EEF2: variants seen among roughly 807,000 people sequenced by gnomAD.
The protein encoded by EEF2 is elongation factor 2.
A neutral mutation model predicts 85.3 loss-of-function variants in EEF2; 21 were observed. The observed-to-expected ratio is 0.25, with a 90% CI of 0.17 to 0.35. The LOEUF is 0.35. Ranked by LOEUF, EEF2 falls within the 10% of genes least tolerant of loss-of-function variation. EEF2 has a pLI of 1.00. For missense variants in EEF2, 825 were observed against 1,225.3 expected (o/e 0.67, Z 4.88); for synonymous variants, 723 against 508.8 (o/e 1.42, Z -5.67).
At position 3,977,826 on chromosome 19, in the gene EEF2, G is replaced by A; in HGVS notation, c.2060C>T (p.Thr687Ile). ...DSVVAGFQWA[T>I]KEGALCEENM... ...TGCTGAGCCGTGCCTCACCTCCTTG[G>A]TGGCCCACTGGAAGCCGGCCACCAC... The change falls in exon 12 of 15, where the codon ACC (threonine) becomes ATC (isoleucine). Residue 687 changes from threonine (T) to isoleucine (I), a missense_variant. Physicochemically the swap from Thr to Ile is moderately conservative, Grantham distance 89. Transcript: ENST00000309311. This position sits in a 1 kb window ranked among gnomAD's most constrained non-coding sequence, Gnocchi z 5.4. 6.3e-7 allele frequency: 1 copy of A among 1,582,566 alleles called. No individual in the cohort carries two copies. The highest frequency in any genetic ancestry group is 8.6e-7 in the Non-Finnish European group (1 of 1,158,840).
chr19:3,981,872 G>C, intron 6 of EEF2, 75 bp downstream of exon 6: 2 of 1,401,902 alleles, frequency 1.4e-6, no homozygotes, highest in Non-Finnish European at 2.0e-6. Flanking sequence ...TCAGCCGACA[G>C]GCTACCGGCC....
At chr19:3,981,219 A>G in intron 7 of EEF2, 120 bp downstream of exon 7, 1 of 1,134,920 alleles carries the variant, frequency 8.8e-7, no homozygotes, top group Non-Finnish European at 1.3e-6. Flanking sequence ...GTCTAAAGCG[A>G]AAGGGGCAGC....
Position 3,982,299 on chromosome 19 carries a change from A to G in EEF2, c.738T>C (p.Pro246=), listed in dbSNP as rs766038544. The change falls in exon 5 of 15, where the codon CCT becomes CCC. Residue 246 remains proline (P), a synonymous_variant. Transcript: ENST00000309311. The stretch of plus-strand genomic sequence containing the variant: ...CCTCTACTTTCTTGGCCCGCTCGGC[A>G]GGCCCCAACTGGCCCTCCCCCTTGG... ...FAAKGEGQLG[P]AERAKKVEDM... The G allele has an allele frequency of 1.2e-6, 2 of 1,614,156 alleles. No homozygotes were observed. Among genetic ancestry groups the G allele is most frequent in the Middle Eastern group, 1.6e-4 (1 of 6,062 alleles).
At chr19:3,984,619 G>C (rs530806435) in intron 1 of EEF2, among the ~76,000 whole-genome samples, 2 of 152,330 alleles carry the variant, frequency 1.3e-5, no homozygotes, top group East Asian at 1.9e-4. Context: ...AGATTTCCTT[G>C]ATACCAGGTA....
At position 3,977,687 on chromosome 19, in the gene EEF2, G is replaced by A. The variant is rs1406468195; in HGVS notation, c.2068-77C>T. The A allele has an allele frequency of 1.4e-6, 2 of 1,477,328 alleles. No homozygotes were observed. Among genetic ancestry groups the A allele is most frequent in the Non-Finnish European group, 1.8e-6 (2 of 1,119,682 alleles). 91.5% of individuals were successfully genotyped at this position (1,477,328 alleles called of 1,614,324 possible). A position where few individuals can be genotyped will look rare whatever the true frequency, so the allele number is the denominator to read the frequency against. Reference sequence around the variant, plus strand: ...GCCCTCCACCTGCCAAGTCCTGCAGGTCTCCACCAGGGGGACCTGGGGCCT... The same window carrying A: ...GCCCTCCACCTGCCAAGTCCTGCAGATCTCCACCAGGGGGACCTGGGGCCT... On this transcript the variant is annotated intron_variant, in intron 12 of 14. Transcript: ENST00000309311. The surrounding 1 kb of genome is among the most constrained non-coding windows in gnomAD (Gnocchi z 5.4).
At chr19:3,979,606 CA>C (rs1418320560) in intron 10 of EEF2, 170 bp from the exon 11 acceptor site, 7 of 946,294 alleles carry the variant, frequency 7.4e-6, no homozygotes, top group Non-Finnish European at 1.1e-5. Flanking sequence ...CCACAAGCTA[CA>C]GTGAACACGC....
chr19:3,981,954 A>G lies in EEF2; in HGVS notation c.890T>C (p.Ile297Thr). 6.2e-7 allele frequency: 1 copy of G among 1,613,884 alleles called. No individual in the cohort carries two copies. The highest frequency in any genetic ancestry group is 8.5e-7 in the Non-Finnish European group (1 of 1,179,892). Residue 297 changes from isoleucine to threonine, a missense_variant, in exon 6 of 15, where the codon ATC becomes ACC. Physicochemically the swap from Ile to Thr is moderately conservative, Grantham distance 89. Transcript: ENST00000309311. Reference protein sequence around the residue: ...RTFCQLILDPIFKVFDAIMNF... With the variant: ...RTFCQLILDPTFKVFDAIMNF... ...GGCGCAGCCCTCACTCACCTTGAAG[A>G]TGGGGTCCAGGATCAGCTGGCAGAA...
intron 3 of EEF2, 40 bp downstream of exon 3, chr19:3,983,070 C>T: frequency 1.2e-6 from 2 of 1,611,486 alleles, no homozygotes; most frequent in Non-Finnish European, 1.7e-6. Context: ...AAGGATGGCC[C>T]CCGGTTCCAG....
intron 10 of EEF2, 138 bp from the exon 11 acceptor site, chr19:3,979,574 A>C: frequency 1.1e-6 from 1 of 925,768 alleles, no homozygotes; most frequent in Non-Finnish European, 1.6e-6. Context: ...ACCAGCACAA[A>C]CTCCTGAAGA....
intron 11 of EEF2, 116 bp from the exon 12 acceptor site, chr19:3,978,288 C>G: frequency 2.4e-6 from 2 of 846,432 alleles, no homozygotes; most frequent in Non-Finnish European, 1.7e-6. Flanking sequence ...GGTAGAGCCA[C>G]GTCAATCAGA....
Position 3,976,299 on chromosome 19 carries a change from GCCTCCCCCTCCCCGACC to G in EEF2, c.*238_*254del. 4.5e-6 allele frequency: 1 copy of G among 219,904 alleles called. No individual in the cohort carries two copies. Among genetic ancestry groups the G allele is most frequent in the South Asian group, 4.5e-5 (1 of 22,088 alleles). 13.6% of individuals were successfully genotyped at this position (219,904 alleles called of 1,614,324 possible). The stretch of plus-strand genomic sequence containing the variant: ...GAAAAAGTGTTGGGTGTCCCATCCC[GCCTCCCCCTCCCCGACC>G]GGCCCATTAAGTCCCTACTAAGAGG... On this transcript the variant is annotated 3_prime_UTR_variant, in exon 15 of 15. Transcript: ENST00000309311.
In EEF2 at chr19:3,985,372, A is replaced by G; in HGVS notation, c.3+6T>C. The G allele has an allele frequency of 6.6e-7, 1 of 1,509,184 alleles. No homozygotes were observed. The highest frequency in any genetic ancestry group is 8.9e-7 in the Non-Finnish European group (1 of 1,124,576). The allele number at this position is 1,509,184 out of a possible 1,614,324, so 93.5% of individuals were successfully genotyped here. On this transcript the variant is annotated splice_donor_region_variant and intron_variant, in intron 1 of 14. Coordinates refer to ENST00000309311, the MANE Select transcript of EEF2 (RefSeq NM_001961.4). Reference sequence around the variant, plus strand: ...TCCGGGGCACCAGCGAGGCAGGGTTACTCACCATGGTGGCGGATGGCGGTG... The same window carrying G: ...TCCGGGGCACCAGCGAGGCAGGGTTGCTCACCATGGTGGCGGATGGCGGTG...
chr19:3,983,897 G>A (rs111796971), intron 2 of EEF2: 24 of 555,560 alleles, frequency 4.3e-5, no homozygotes, highest in African/African-American at 3.8e-4. Context: ...AGTCCCCCAG[G>A]GAGGGAGAAC....
intron 10 of EEF2, 172 bp from the exon 11 acceptor site, chr19:3,979,608 G>A (rs905218419): frequency 2.1e-6 from 2 of 953,428 alleles, no homozygotes; most frequent in Non-Finnish European, 1.6e-6. Flanking sequence ...ACAAGCTACA[G>A]TGAACACGCG....
chr19:3,981,218 G>C (rs1476808946), intron 7 of EEF2, 121 bp downstream of exon 7: 2 of 1,129,182 alleles, frequency 1.8e-6, no homozygotes, highest in Non-Finnish European at 2.6e-6. Flanking sequence ...AGTCTAAAGC[G>C]AAAGGGGCAG....
chr19:3,980,248 G>A (rs1599193665), intron 9 of EEF2, among the ~76,000 whole-genome samples, 182 bp from the exon 10 acceptor site: 1 of 152,208 alleles, frequency 6.6e-6, no homozygotes, highest in Non-Finnish European at 1.5e-5. Context: ...CAGAATCACT[G>A]CCCTCCTCCC....
Position 3,985,419 on chromosome 19 carries a change from A to G in EEF2, c.-39T>C, listed in dbSNP as rs575019912. On this transcript the variant is annotated 5_prime_UTR_variant, in exon 1 of 15. Coordinates refer to ENST00000309311, the MANE Select transcript of EEF2 (RefSeq NM_001961.4). ...GGTGGATTCTCCCAGGTAGAACCGA[A>G]AGAAGCGAGTCGCGCCGAGGATGGC... 8 of 1,479,916 alleles carry G rather than the reference A, an allele frequency of 5.4e-6. No homozygotes were observed. Among genetic ancestry groups the G allele is most frequent in the Admixed American group, 4.6e-5 (2 of 43,026 alleles). 91.7% of individuals were successfully genotyped at this position (1,479,916 alleles called of 1,614,324 possible).
At chr19:3,979,300 G>A (rs562821466) in intron 11 of EEF2, 29 bp downstream of exon 11, 56 of 1,584,266 alleles carry the variant, frequency 3.5e-5, no homozygotes, top group South Asian at 2.0e-4. Context: ...GGGGTGGGGC[G>A]TGGGGAAGGC....
At chr19:3,979,724 A>G in intron 10 of EEF2, 84 bp downstream of exon 10, 2 of 1,541,980 alleles carry the variant, frequency 1.3e-6, no homozygotes, top group Non-Finnish European at 8.7e-7. Flanking sequence ...TCCACCAACC[A>G]CAGCAACCCA....
Sources: gnomAD v4.1 joint callset for allele counts (sites outside exome capture counted in the v4.1 genomes callset) on GRCh38, gnomAD v4.1.1 for gene constraint, Gnocchi (gnomAD v3.1) non-coding constraint, MANE v1.5 for transcripts, NCBI Gene and HGNC (gene_info 2026-07-23, HGNC 2026-07-21) for gene names.